PPP2CA: variants seen among roughly 807,000 people sequenced by gnomAD.
PPP2CA encodes serine/threonine-protein phosphatase 2A catalytic subunit alpha isoform.
PPP2CA carries 5 observed loss-of-function variants against 38.8 expected under a neutral mutation model. The observed-to-expected ratio is 0.13, with a 90% CI of 0.07 to 0.27. PPP2CA has a LOEUF of 0.27. Among genes scored for constraint, PPP2CA ranks in the 10% least tolerant of loss-of-function variants. PPP2CA has a pLI of 1.00. For synonymous variants in PPP2CA, 152 were observed against 134.0 expected (o/e 1.13, Z -0.93); for missense variants, 88 against 389.7 (o/e 0.23, Z 6.52).
At chr5:134,203,437 G>A (rs1762009685) in intron 2 of PPP2CA, 1 of 152,212 alleles carries the variant, frequency 6.6e-6, no homozygotes. Flanking sequence ...CTTCCTCACT[G>A]TTCCAGAGGC....
chr5:134,195,073 T>C lies in PPP2CA; in HGVS notation c.*2699A>G, dbSNP rs1011433565. ...TAAGTCCTTCTTGAAACTAATCTAA[T>C]ATTGACAAACTTCTATTTAAGAAAT... On this transcript the variant is annotated 3_prime_UTR_variant, in exon 7 of 7. Coordinates refer to ENST00000481195, the MANE Select transcript of PPP2CA (RefSeq NM_002715.4). 3 of 152,118 alleles carry C rather than the reference T, an allele frequency of 2.0e-5. No individual in the cohort carries two copies. The highest frequency in any genetic ancestry group is 4.4e-5 in the Non-Finnish European group (3 of 68,040). The allele number at this position is 152,118 out of a possible 1,614,324, so 9.4% of individuals were successfully genotyped here.
At chr5:134,224,761 A>T (rs1301558840) in intron 1 of PPP2CA, among the ~76,000 whole-genome samples, 2 of 152,232 alleles carry the variant, frequency 1.3e-5, no homozygotes, top group Admixed American at 1.3e-4. Context: ...AGCTAATATA[A>T]AGTTTAGTGT....
intron 1 of PPP2CA, among the ~76,000 whole-genome samples, chr5:134,211,687 G>A (rs2149386090): frequency 6.6e-6 from 1 of 150,696 alleles, no homozygotes; most frequent in South Asian, 2.1e-4. Flanking sequence ...ATCTTGCCCA[G>A]GCTGGTCTCA....
intron 2 of PPP2CA, chr5:134,202,222 A>T (rs532076912): frequency 8.3e-6 from 4 of 483,568 alleles, no homozygotes; most frequent in Non-Finnish European, 1.4e-5. Flanking sequence ...TCTCAACTAA[A>T]ATCAAACTCC....
At chr5:134,216,519 AAC>A (rs768820741) in intron 1 of PPP2CA, among the ~76,000 whole-genome samples, 4 of 137,670 alleles carry the variant, frequency 2.9e-5, no homozygotes, top group South Asian at 2.5e-4. Flanking sequence ...CAGCCTGGGC[AAC>A]AGAGTGAGAC....
At chr5:134,214,753 ACTTTTTGG>A (rs1762281617) in intron 1 of PPP2CA, among the ~76,000 whole-genome samples, 1 of 72,656 alleles carries the variant, frequency 1.4e-5, no homozygotes, top group Non-Finnish European at 3.3e-5. Flanking sequence ...ATTTTAAGTA[ACTTTTTGG>A]CATTTTGTTT....
chr5:134,204,752 T>C (rs1561736270), intron 2 of PPP2CA, among the ~76,000 whole-genome samples: 2 of 152,100 alleles, frequency 1.3e-5, no homozygotes, highest in African/African-American at 4.8e-5. Context: ...CGTGAACCAC[T>C]GCACCCAGCC....
At chr5:134,216,471 C>T (rs1431076544) in intron 1 of PPP2CA, among the ~76,000 whole-genome samples, 1 of 132,178 alleles carries the variant, frequency 7.6e-6, no homozygotes, top group Non-Finnish European at 1.5e-5. Flanking sequence ...ACCCATGAGG[C>T]GGAGGTTGCA....
In PPP2CA at chr5:134,198,049, T is replaced by C. The variant is rs529877810; in HGVS notation, c.858-205A>G. Among the ~76,000 whole-genome samples, 3 of 152,358 alleles carry C rather than the reference T, an allele frequency of 2.0e-5. No homozygotes were observed. The South Asian group carries it at 6.2e-4, about 32-fold the overall frequency. ...ACTTCAGCCACAGAGACTATGCTTT[T>C]ATAAAAACATGGTTTTTACCTTGAC... On this transcript the variant is annotated intron_variant, in intron 6 of 6. Coordinates refer to ENST00000481195, the MANE Select transcript of PPP2CA (RefSeq NM_002715.4).
rs57520870 is a variant in PPP2CA at position 134,216,557 on chromosome 5, A to AAAAAAAAAAAAAAAAAAAG, written c.102+9202_102+9203insCTTTTTTTTTTTTTTTTTT. ...TGCCTCAAAAAAAAAAAAAAAAAAAAGTGGTTTCCTTCAAAAGAAGGTAGT... is the reference window on the plus strand; with the variant it reads ...TGCCTCAAAAAAAAAAAAAAAAAAAAAAAAAAAAAAAAAAAAAAGGTGGTTTCCTTCAAAAGAAGGTAGT... On this transcript the variant is annotated intron_variant, in intron 1 of 6. Coordinates refer to ENST00000481195, the MANE Select transcript of PPP2CA (RefSeq NM_002715.4). Among the ~76,000 whole-genome samples, 2 of 111,084 alleles carry AAAAAAAAAAAAAAAAAAAG rather than the reference A, an allele frequency of 1.8e-5. 1 individual carries two copies. The highest frequency in any genetic ancestry group is 7.1e-5 in the African/African-American group (2 of 28,180). The allele number at this position is 111,084 out of a possible 152,430, so 72.9% of individuals were successfully genotyped here.
chr5:134,224,304 T>A, intron 1 of PPP2CA: 1 of 456,032 alleles, frequency 2.2e-6, no homozygotes, highest in Non-Finnish European at 4.4e-6. Context: ...AATACATCGC[T>A]ACCATTAAAA....
intron 3 of PPP2CA, among the ~76,000 whole-genome samples, chr5:134,201,430 A>C (rs1477405258): frequency 6.6e-6 from 1 of 152,174 alleles, no homozygotes; most frequent in Non-Finnish European, 1.5e-5. Context: ...CTCCACTTCA[A>C]ACAGCTCCTT....
chr5:134,200,454 C>CACGG lies in PPP2CA; in HGVS notation c.615_618dup (p.Gly207ProfsTer21). On this transcript the variant is annotated frameshift_variant, in exon 5 of 7. Transcript: ENST00000481195. LOFTEE classifies it high-confidence loss of function. ...CCTCGAGGAGATATACCCCAACCAC[C>CACGG]ACGGTCATCTGGATCTGACCACAGC... is the stretch of plus-strand genomic sequence containing the variant. The CACGG allele has an allele frequency of 6.2e-7, 1 of 1,614,160 alleles. No individual in the cohort carries two copies. The highest frequency in any genetic ancestry group is 8.5e-7 in the Non-Finnish European group (1 of 1,180,028).
chr5:134,206,181 T>C, intron 1 of PPP2CA, 50 bp from the exon 2 acceptor site: 1 of 1,478,508 alleles, frequency 6.8e-7, no homozygotes, highest in South Asian at 1.2e-5. Context: ...TTAAACAATA[T>C]TAACAAAGAT....
At chr5:134,222,315 A>T (rs1171684594) in intron 1 of PPP2CA, among the ~76,000 whole-genome samples, 4 of 152,176 alleles carry the variant, frequency 2.6e-5, no homozygotes. Flanking sequence ...ACACCCTTTA[A>T]AATGAAACGT....
At chr5:134,211,888 C>T (rs866916621) in intron 1 of PPP2CA, among the ~76,000 whole-genome samples, 1 of 151,994 alleles carries the variant, frequency 6.6e-6, no homozygotes, top group African/African-American at 2.4e-5. Context: ...GATGCCAAGG[C>T]GGATGAATCA....
intron 1 of PPP2CA, among the ~76,000 whole-genome samples, chr5:134,222,541 GA>G (rs74423517): frequency 0.098 from 14,482 of 147,334 alleles, 795 homozygotes; most frequent in Admixed American, 0.16. Context: ...GAACTTCTTT[GA>G]AAAAAAAAAA....
intron 2 of PPP2CA, 28 bp from the exon 3 acceptor site, chr5:134,202,049 C>T (rs1355621535): frequency 6.5e-7 from 1 of 1,539,338 alleles, no homozygotes; most frequent in Middle Eastern, 1.7e-4. Flanking sequence ...AAAACATAAA[C>T]AACTAGCTCT....
intron 2 of PPP2CA, among the ~76,000 whole-genome samples, chr5:134,203,800 G>C (rs6859893): frequency 0.87 from 132,945 of 152,178 alleles, 58,425 homozygotes; most frequent in Middle Eastern, 0.92. Context: ...ACCGCAGCCT[G>C]AAATTCCTAG....
Sources: gnomAD v4.1 joint callset for allele counts (sites outside exome capture counted in the v4.1 genomes callset) on GRCh38, gnomAD v4.1.1 for gene constraint, MANE v1.5 for transcripts, NCBI Gene and HGNC (gene_info 2026-07-23, HGNC 2026-07-21) for gene names.